RPS6KC1: variants seen among roughly 807,000 people sequenced by gnomAD.
RPS6KC1 encodes ribosomal protein S6 kinase C1.
In RPS6KC1, 54 loss-of-function variants were observed where a neutral mutation model predicts 103.8. The observed-to-expected ratio is 0.52, with a 90% CI of 0.42 to 0.65. RPS6KC1 has a LOEUF of 0.65. Among genes scored for constraint, RPS6KC1 ranks in the 30% least tolerant of loss-of-function variants. The pLI is 0.00. For missense variants in RPS6KC1, 1,151 were observed against 1,253.8 expected (o/e 0.92, Z 1.24); for synonymous variants, 439 against 438.7 (o/e 1.00, Z -0.01).
chr1:213,155,430 C>T (rs2089765439), intron 6 of RPS6KC1, among the ~76,000 whole-genome samples: 1 of 152,184 alleles, frequency 6.6e-6, no homozygotes, highest in South Asian at 2.1e-4. Flanking sequence ...CAATTTCTGA[C>T]CACTAGGATC....
chr1:213,442,019 T>A, the RPS6KC1 span, among the ~76,000 whole-genome samples: 1 of 152,212 alleles, frequency 6.6e-6, no homozygotes. Flanking sequence ...TCCCATCACT[T>A]CTGTGGGAGG....
chr1:213,100,916 G>A (rs2081968789), intron 3 of RPS6KC1, among the ~76,000 whole-genome samples: 1 of 152,006 alleles, frequency 6.6e-6, no homozygotes, highest in Non-Finnish European at 1.5e-5. Flanking sequence ...GTGTCTTTTT[G>A]GTAGAATGAT....
chr1:213,451,280 A>G, the RPS6KC1 span, among the ~76,000 whole-genome samples: 1 of 152,226 alleles, frequency 6.6e-6, no homozygotes, highest in Non-Finnish European at 1.5e-5. Context: ...AAGGAAACCT[A>G]TGCATTGAAG....
At chr1:213,612,139 TC>T in the RPS6KC1 span, among the ~76,000 whole-genome samples, 1 of 152,178 alleles carries the variant, frequency 6.6e-6, no homozygotes, top group African/African-American at 2.4e-5. Flanking sequence ...AAATCCAGAT[TC>T]TTGGGCTCCA....
chr1:213,825,001 C>T, the RPS6KC1 span, among the ~76,000 whole-genome samples: 5 of 152,196 alleles, frequency 3.3e-5, no homozygotes, highest in Admixed American at 6.5e-5. Context: ...TCTGCCCCCT[C>T]CCTGGCAGTG....
At chr1:213,222,112 CA>C (rs2093848491) in intron 8 of RPS6KC1, among the ~76,000 whole-genome samples, 1 of 152,176 alleles carries the variant, frequency 6.6e-6, no homozygotes, top group Non-Finnish European at 1.5e-5. Context: ...GCTGTAGGCA[CA>C]ACATATTTTG....
At chr1:213,399,683 C>G in the RPS6KC1 span, among the ~76,000 whole-genome samples, 2 of 152,118 alleles carry the variant, frequency 1.3e-5, no homozygotes, top group African/African-American at 2.4e-5. Context: ...GACCATCCTG[C>G]TCTTTCAGTC....
chr1:213,456,622 A>G, the RPS6KC1 span, among the ~76,000 whole-genome samples: 1 of 152,210 alleles, frequency 6.6e-6, no homozygotes, highest in South Asian at 2.1e-4. Context: ...CTATTAATTT[A>G]TACCCTTTCA....
chr1:213,091,215 G>A (rs745508312), intron 3 of RPS6KC1, among the ~76,000 whole-genome samples: 43 of 152,070 alleles, frequency 2.8e-4, no homozygotes, highest in Admixed American at 1.5e-3. Context: ...CAGCCACCAC[G>A]CCCAGCTAAT....
At chr1:213,444,687 C>T in the RPS6KC1 span, among the ~76,000 whole-genome samples, 260 of 131,864 alleles carry the variant, frequency 2.0e-3, no homozygotes, top group Middle Eastern at 4.6e-3. Flanking sequence ...AACCTGGGAG[C>T]GAGCTGATAT....
the RPS6KC1 span, among the ~76,000 whole-genome samples, chr1:213,733,065 C>T: frequency 6.6e-6 from 1 of 152,158 alleles, no homozygotes; most frequent in Non-Finnish European, 1.5e-5. Context: ...ATTAGATTGA[C>T]TCCATATCTT....
intron 1 of RPS6KC1, among the ~76,000 whole-genome samples, chr1:213,054,881 A>G (rs2077210676): frequency 6.6e-6 from 1 of 152,228 alleles, no homozygotes; most frequent in African/African-American, 2.4e-5. Context: ...TAGTTGAAGG[A>G]GACACAAGTG....
At chr1:213,416,410 G>A in the RPS6KC1 span, among the ~76,000 whole-genome samples, 211 of 152,354 alleles carry the variant, frequency 1.4e-3, no homozygotes, top group African/African-American at 4.8e-3. Flanking sequence ...TGGGCAGGCT[G>A]AAGGGCAAAG....
chr1:213,621,110 G>A, the RPS6KC1 span, among the ~76,000 whole-genome samples: 1 of 152,186 alleles, frequency 6.6e-6, no homozygotes, highest in East Asian at 1.9e-4. Context: ...ATAACTAGAA[G>A]ACACAACCCT....
the RPS6KC1 span, among the ~76,000 whole-genome samples, chr1:213,516,705 C>T: frequency 5.9e-5 from 9 of 152,168 alleles, no homozygotes; most frequent in Non-Finnish European, 1.3e-4. Context: ...TGTTGTGTCT[C>T]TGCCAGGCTT....
chr1:213,734,182 C>T, the RPS6KC1 span, among the ~76,000 whole-genome samples: 1 of 152,176 alleles, frequency 6.6e-6, no homozygotes, highest in Non-Finnish European at 1.5e-5. Flanking sequence ...ACCAGATGAC[C>T]ACAGCCCAGA....
chr1:213,325,481 A>C, the RPS6KC1 span, among the ~76,000 whole-genome samples: 36 of 152,242 alleles, frequency 2.4e-4, no homozygotes, highest in East Asian at 1.3e-3. Flanking sequence ...GAATAGCCCC[A>C]GCAGGCAGTA....
the RPS6KC1 span, among the ~76,000 whole-genome samples, chr1:213,305,711 A>G: frequency 6.6e-6 from 1 of 152,216 alleles, no homozygotes; most frequent in Non-Finnish European, 1.5e-5. Context: ...AGGTAAGGAC[A>G]GATCCCACTG....
chr1:213,571,973 C>A, the RPS6KC1 span, among the ~76,000 whole-genome samples: 1 of 152,214 alleles, frequency 6.6e-6, no homozygotes, highest in Non-Finnish European at 1.5e-5. Context: ...TAGATTCACA[C>A]GGCCTTGGGA....
Sources: allele counts gnomAD v4.1 joint callset (sites outside exome capture counted in the v4.1 genomes callset), GRCh38; gene constraint gnomAD v4.1.1; transcripts MANE v1.5; gene names NCBI Gene and HGNC (gene_info 2026-07-23, HGNC 2026-07-21).